Variants in CCDC178 observed in about 807,000 individuals in gnomAD.
The protein encoded by CCDC178 is coiled-coil domain containing 178.
In CCDC178, 126 loss-of-function variants were observed where a neutral mutation model predicts 117.4. The observed-to-expected ratio is 1.07, with a 90% CI of 0.93 to 1.24. The LOEUF (loss-of-function observed/expected upper bound fraction) is 1.24, where lower values mean the gene tolerates loss of function less well. Among genes scored for constraint, CCDC178 ranks in the 50% most tolerant of loss-of-function variants. CCDC178 has a pLI of 0.00. For synonymous variants in CCDC178, 283 were observed against 313.4 expected, an observed-to-expected ratio of 0.90 and a Z score of 1.02; for missense variants, 1,030 against 986.9, an observed-to-expected ratio of 1.04 and a Z score of -0.59.
At chr18:33,142,250 C>T (rs1384859894) in intron 20 of CCDC178, among the ~76,000 whole-genome samples, 2 of 152,134 alleles carry the variant, frequency 1.3e-5, no homozygotes, top group Non-Finnish European at 2.9e-5. Context: ...GCCTGCAATG[C>T]ACAAGAAAGC....
At chr18:33,158,485 T>TA (rs538665113) in intron 20 of CCDC178, among the ~76,000 whole-genome samples, 2 of 152,188 alleles carry the variant, frequency 1.3e-5, no homozygotes, top group East Asian at 3.9e-4. Flanking sequence ...TTTTGCAATT[T>TA]AAAAAAACTA....
At chr18:33,005,621 T>C (rs1428687405) in intron 21 of CCDC178, among the ~76,000 whole-genome samples, 1 of 152,054 alleles carries the variant, frequency 6.6e-6, no homozygotes, top group Non-Finnish European at 1.5e-5. Context: ...ATTGGATTGT[T>C]TGTGACACAA....
At chr18:33,225,986 A>G (rs535181412) in intron 16 of CCDC178, among the ~76,000 whole-genome samples, 2 of 152,090 alleles carry the variant, frequency 1.3e-5, no homozygotes, top group East Asian at 3.9e-4. Context: ...AAATGGAGAA[A>G]CCCTGTCTCT....
intron 19 of CCDC178, among the ~76,000 whole-genome samples, chr18:33,212,506 T>C (rs1376498331): frequency 6.6e-6 from 1 of 151,962 alleles, no homozygotes; most frequent in Non-Finnish European, 1.5e-5. Flanking sequence ...CCAACAGCCA[T>C]AGTGGAGAGA....
intron 21 of CCDC178, among the ~76,000 whole-genome samples, chr18:33,050,962 G>C (rs1478706533): frequency 1.3e-5 from 2 of 152,248 alleles, no homozygotes; most frequent in African/African-American, 4.8e-5. Flanking sequence ...ACTGAGGCTA[G>C]AGTGCAATGG....
chr18:32,943,627 C>A (rs1161572417), intron 22 of CCDC178, among the ~76,000 whole-genome samples: 1 of 152,010 alleles, frequency 6.6e-6, no homozygotes, highest in African/African-American at 2.4e-5. Context: ...AGAGAGTAGC[C>A]CCATTGTGTT....
At chr18:33,332,893 C>T (rs747521750) in intron 10 of CCDC178, among the ~76,000 whole-genome samples, 6 of 152,158 alleles carry the variant, frequency 3.9e-5, no homozygotes, top group Non-Finnish European at 7.3e-5. Context: ...GCTGGTATTA[C>T]AAGCATGAGC....
intron 21 of CCDC178, among the ~76,000 whole-genome samples, chr18:33,079,774 A>G (rs1366269566): frequency 6.6e-6 from 1 of 152,208 alleles, no homozygotes; most frequent in African/African-American, 2.4e-5. Context: ...AGGTCACAAT[A>G]TAACAGATGC....
rs146489682 is a variant in CCDC178, at chr18:33,161,438, A to G, written c.2238+50458T>C. ...ATATGAAAAGGCCATTCTCTGTCCC[A>G]TAACTTTCCAACTTTTTCTTACGAG... is the stretch of plus-strand genomic sequence containing the variant. On this transcript the variant is annotated intron_variant, in intron 20 of 22. Coordinates refer to ENST00000383096, the MANE Select transcript of CCDC178 (RefSeq NM_001105528.4). Among the ~76,000 whole-genome samples the G allele has an allele frequency of 3.5e-3, 527 of 152,192 alleles. 1 individual carries two copies. Among genetic ancestry groups the G allele is most frequent in the South Asian group, 8.7e-3 (42 of 4,822 alleles).
intron 20 of CCDC178, chr18:33,136,203 G>A (rs1166158061): frequency 1.3e-5 from 2 of 152,218 alleles, no homozygotes; most frequent in Non-Finnish European, 2.9e-5. Context: ...CTGACCTACT[G>A]TAGTGTGGAA....
At chr18:32,956,229 T>C (rs1338660099) in intron 22 of CCDC178, among the ~76,000 whole-genome samples, 1 of 152,232 alleles carries the variant, frequency 6.6e-6, no homozygotes, top group East Asian at 1.9e-4. Flanking sequence ...TTTTCATGTC[T>C]TGTATTTCTA....
chr18:33,433,572 T>C (rs1010003906), intron 2 of CCDC178, among the ~76,000 whole-genome samples: 4 of 152,062 alleles, frequency 2.6e-5, no homozygotes, highest in South Asian at 2.1e-4. Context: ...AAGCCATCTA[T>C]AGGGAAGGAA....
intron 5 of CCDC178, among the ~76,000 whole-genome samples, chr18:33,384,515 T>C (rs1361393047): frequency 2.0e-5 from 3 of 152,086 alleles, no homozygotes; most frequent in Non-Finnish European, 4.4e-5. Context: ...CGCGTACCTC[T>C]CCATGGAAAC....
chr18:33,168,369 A>G (rs2058558189), intron 20 of CCDC178, among the ~76,000 whole-genome samples: 4 of 151,772 alleles, frequency 2.6e-5, no homozygotes, highest in Admixed American at 2.6e-4. Flanking sequence ...GTTTTTGTCT[A>G]TTTTGTCGAA....
intron 5 of CCDC178, among the ~76,000 whole-genome samples, chr18:33,384,599 T>C (rs896802332): frequency 2.0e-5 from 3 of 152,162 alleles, no homozygotes; most frequent in African/African-American, 4.8e-5. Flanking sequence ...CAGAATTTCA[T>C]ATCAGGCCAA....
rs754855117 is a variant in CCDC178 at position 33,092,839 on chromosome 18, G to T, written c.2310C>A (p.Phe770Leu). 1.9e-6 allele frequency: 3 copies of T among 1,580,736 alleles called. No homozygotes were observed. The highest frequency in any genetic ancestry group is 2.6e-6 in the Non-Finnish European group (3 of 1,158,326). ...AQEYQQLQITFLKEKDNYFNI... is the reference protein window; with the variant it reads ...AQEYQQLQITLLKEKDNYFNI... ...TGAAATAATTGTCCTTTTCTTTTAAGAATGTAATCTGTAGCTGTTGATACT... is the reference window on the plus strand; with the variant it reads ...TGAAATAATTGTCCTTTTCTTTTAATAATGTAATCTGTAGCTGTTGATACT... The change falls in exon 21 of 23, where the codon TTC becomes TTA. Residue 770 changes from phenylalanine to leucine, a missense_variant. Coordinates refer to ENST00000383096, the MANE Select transcript of CCDC178 (RefSeq NM_001105528.4).
chr18:33,353,952 T>C (rs887830359), intron 7 of CCDC178, among the ~76,000 whole-genome samples: 4 of 152,214 alleles, frequency 2.6e-5, no homozygotes, highest in South Asian at 2.1e-4. Flanking sequence ...AGACTACTTA[T>C]AGGATTTCTT....
At chr18:33,383,823 A>C (rs2063465052) in intron 5 of CCDC178, among the ~76,000 whole-genome samples, 1 of 151,966 alleles carries the variant, frequency 6.6e-6, no homozygotes, top group South Asian at 2.1e-4. Flanking sequence ...TAATCACAAC[A>C]CTTCTGCAGC....
At chr18:33,187,860 G>A (rs1312618834) in intron 20 of CCDC178, among the ~76,000 whole-genome samples, 1 of 152,102 alleles carries the variant, frequency 6.6e-6, no homozygotes, top group Admixed American at 6.6e-5. Context: ...GTGAAAGAAG[G>A]TAGCCAGTCT....
Sources: gnomAD v4.1 joint callset for allele counts (sites outside exome capture counted in the v4.1 genomes callset) on GRCh38, gnomAD v4.1.1 for gene constraint, MANE v1.5 for transcripts, NCBI Gene and HGNC (gene_info 2026-07-23, HGNC 2026-07-21) for gene names.